CCDC60: variants seen among roughly 807,000 people sequenced by gnomAD.
The protein encoded by CCDC60 is coiled-coil domain-containing protein 60.
In CCDC60, 54 loss-of-function variants were observed where a neutral mutation model predicts 63.5. The ratio of observed to expected loss-of-function variants is 0.85; its 90% confidence interval spans 0.68 to 1.07. The LOEUF (loss-of-function observed/expected upper bound fraction) is 1.07. Among genes scored for constraint, CCDC60 ranks in the 50% least tolerant of loss-of-function variants. CCDC60 has a pLI of 0.00. For synonymous variants in CCDC60, 206 were observed against 238.8 expected (o/e 0.86, Z 1.27); for missense variants, 651 against 684.3 (o/e 0.95, Z 0.54).
chr12:119,367,421 C>T (rs895031104), intron 1 of CCDC60, among the ~76,000 whole-genome samples: 9 of 152,122 alleles, frequency 5.9e-5, no homozygotes, highest in Non-Finnish European at 1.0e-4. Context: ...ATAATTCCAC[C>T]GCCTATATCC....
At chr12:119,359,168 T>C (rs1421145745) in intron 1 of CCDC60, among the ~76,000 whole-genome samples, 1 of 152,230 alleles carries the variant, frequency 6.6e-6, no homozygotes, top group Admixed American at 6.5e-5. Context: ...ATTGTGGAAA[T>C]GCTTTAATCT....
intron 2 of CCDC60, among the ~76,000 whole-genome samples, chr12:119,468,303 ATT>A (rs1566025541): frequency 2.2e-3 from 337 of 152,196 alleles, no homozygotes; most frequent in African/African-American, 7.6e-3. Context: ...AAAAATAAAA[ATT>A]TTTTAAAAAA....
intron 6 of CCDC60, among the ~76,000 whole-genome samples, chr12:119,501,189 A>AAC (rs1367317007): frequency 6.6e-6 from 1 of 152,248 alleles, no homozygotes; most frequent in East Asian, 1.9e-4. Context: ...ATATAAGGCA[A>AAC]ACACACTTTG....
intron 4 of CCDC60, among the ~76,000 whole-genome samples, chr12:119,483,594 G>A (rs1473474483): frequency 6.6e-6 from 1 of 152,216 alleles, no homozygotes; most frequent in Non-Finnish European, 1.5e-5. Context: ...CGGGGTGCTT[G>A]GAATGGCTTT....
chr12:119,364,241 C>G (rs1955818813), intron 1 of CCDC60, among the ~76,000 whole-genome samples: 1 of 151,858 alleles, frequency 6.6e-6, no homozygotes, highest in South Asian at 2.1e-4. Flanking sequence ...TACATATAAC[C>G]AAATGCACAC....
intron 2 of CCDC60, chr12:119,448,008 G>C (rs1461834789): frequency 1.3e-5 from 2 of 152,070 alleles, no homozygotes; most frequent in Non-Finnish European, 2.9e-5. Flanking sequence ...GGGGTGGGGT[G>C]GGGGAGGGAT....
intron 1 of CCDC60, among the ~76,000 whole-genome samples, chr12:119,349,322 G>C (rs1007669019): frequency 1.3e-5 from 2 of 150,158 alleles, no homozygotes; most frequent in Non-Finnish European, 3.0e-5. Context: ...CAAGGCCAAG[G>C]TCCAGGGCGT....
At position 119,398,083 on chromosome 12, in the gene CCDC60, C is replaced by CGGGGGT. The variant is rs1956309568; in HGVS notation, c.91-30595_91-30594insTGGGGG. 6.2e-4 allele frequency among the ~76,000 whole-genome samples: 25 copies of CGGGGGT among 40,172 alleles called. 1 individual carries two copies. The highest frequency in any genetic ancestry group is 2.6e-3 in the African/African-American group (24 of 9,188). 26.4% of individuals were successfully genotyped at this position (40,172 alleles called of 152,430 possible). On this transcript the variant is annotated intron_variant, in intron 1 of 13. Coordinates refer to ENST00000327554, the MANE Select transcript of CCDC60 (RefSeq NM_178499.5). ...GGGGTGGGGGGAGAGGAAGGGGCCG[C>CGGGGGT]GGGGGGAGGAAGGGGGCGGTGTGGG...
At chr12:119,437,671 C>T (rs1016974939) in intron 2 of CCDC60, among the ~76,000 whole-genome samples, 3 of 152,170 alleles carry the variant, frequency 2.0e-5, no homozygotes, top group Non-Finnish European at 2.9e-5. Flanking sequence ...TCTCATCGTT[C>T]AACACTCAGG....
chr12:119,338,749 G>A (rs966747076), intron 1 of CCDC60, among the ~76,000 whole-genome samples: 1 of 152,296 alleles, frequency 6.6e-6, no homozygotes, highest in African/African-American at 2.4e-5. Flanking sequence ...AATGCCAGGC[G>A]GCCCGGTAAG....
At chr12:119,409,994 A>G (rs1956564187) in intron 1 of CCDC60, among the ~76,000 whole-genome samples, 1 of 150,986 alleles carries the variant, frequency 6.6e-6, no homozygotes, top group Non-Finnish European at 1.5e-5. Context: ...CTTAGCCACC[A>G]CTCTTGTTCC....
intron 2 of CCDC60, among the ~76,000 whole-genome samples, chr12:119,460,142 G>A (rs1566021625): frequency 6.6e-6 from 1 of 151,958 alleles, no homozygotes; most frequent in Non-Finnish European, 1.5e-5. Context: ...AAGTCTGTCG[G>A]GCCAGCACCA....
chr12:119,517,999 G>A (rs1295616095), intron 8 of CCDC60, among the ~76,000 whole-genome samples: 1 of 152,144 alleles, frequency 6.6e-6, no homozygotes, highest in Non-Finnish European at 1.5e-5. Context: ...AGCCCACTGG[G>A]ATGCCAACTA....
At chr12:119,479,036 A>C (rs1472024184) in intron 3 of CCDC60, 58 bp from the exon 4 acceptor site, 1 of 1,158,666 alleles carries the variant, frequency 8.6e-7, no homozygotes, top group Non-Finnish European at 1.3e-6. Flanking sequence ...CAAGAGAAGA[A>C]GGTGTTCAAA....
At chr12:119,422,842 G>A (rs572806368) in intron 1 of CCDC60, among the ~76,000 whole-genome samples, 1 of 151,936 alleles carries the variant, frequency 6.6e-6, no homozygotes, top group African/African-American at 2.4e-5. Flanking sequence ...ACTAATTACG[G>A]TTTTTGCCAT....
rs753829749 is a variant in CCDC60, at chr12:119,500,183, G to A, written c.648+15G>A. The A allele has an allele frequency of 6.5e-6, 10 of 1,539,022 alleles. No individual in the cohort carries two copies. In the East Asian group the frequency reaches 6.9e-5, roughly 11 times the overall value. ...CAGCGCCAAAGGTAACCAACAACAC[G>A]CGACTCAACCCTTTGGCTCCTAGGT... On this transcript the variant is annotated intron_variant, in intron 6 of 13. Coordinates refer to ENST00000327554, the MANE Select transcript of CCDC60 (RefSeq NM_178499.5).
intron 4 of CCDC60, among the ~76,000 whole-genome samples, chr12:119,488,556 A>G (rs1314802391): frequency 6.6e-6 from 1 of 152,160 alleles, no homozygotes; most frequent in Admixed American, 6.5e-5. Flanking sequence ...CTGATTCCTC[A>G]TCTGTAAAAT....
intron 4 of CCDC60, among the ~76,000 whole-genome samples, chr12:119,482,890 C>G (rs560272607): frequency 6.6e-6 from 1 of 152,190 alleles, no homozygotes; most frequent in South Asian, 2.1e-4. Flanking sequence ...GCCAGGGTGA[C>G]ATGGGTGAGA....
chr12:119,416,194 C>T (rs1284067854), intron 1 of CCDC60, among the ~76,000 whole-genome samples: 1 of 152,088 alleles, frequency 6.6e-6, no homozygotes, highest in Non-Finnish European at 1.5e-5. Flanking sequence ...CCAGCCTGAC[C>T]AACATGGAGA....
Sources: allele counts gnomAD v4.1 joint callset (sites outside exome capture counted in the v4.1 genomes callset), GRCh38; gene constraint gnomAD v4.1.1; transcripts MANE v1.5; gene names NCBI Gene and HGNC (gene_info 2026-07-23, HGNC 2026-07-21).